MSRA: variants seen among roughly 807,000 people sequenced by gnomAD.
MSRA encodes mitochondrial peptide methionine sulfoxide reductase.
Under a neutral mutation model 31.3 loss-of-function variants are expected in MSRA, and 54 were observed. The observed-to-expected ratio is 1.73, with a 90% CI of 1.39 to 2.17. The LOEUF is 2.17. MSRA is among the 30% of genes most tolerant of loss of function. MSRA has a pLI of 0.00. For synonymous variants in MSRA, 169 were observed against 116.5 expected (o/e 1.45, Z -2.90); for missense variants, 507 against 300.9 (o/e 1.69, Z -5.07).
chr8:10,308,148 C>G (rs1036709315), intron 4 of MSRA, among the ~76,000 whole-genome samples: 2 of 152,188 alleles, frequency 1.3e-5, no homozygotes, highest in African/African-American at 2.4e-5. Flanking sequence ...GGCAAGAACT[C>G]TTGTTTAAAG....
intron 1 of MSRA, among the ~76,000 whole-genome samples, chr8:10,104,124 C>T (rs894240393): frequency 2.0e-5 from 3 of 152,056 alleles, no homozygotes; most frequent in Non-Finnish European, 2.9e-5. Context: ...TGTGGATGGG[C>T]GTTTAGGGAT....
At chr8:10,382,654 G>C (rs1232759718) in intron 5 of MSRA, among the ~76,000 whole-genome samples, 1 of 152,220 alleles carries the variant, frequency 6.6e-6, no homozygotes, top group Admixed American at 6.5e-5. Flanking sequence ...TACAGTTACT[G>C]AGGCAAACAC....
intron 1 of MSRA, among the ~76,000 whole-genome samples, chr8:10,089,139 CACA>C (rs386722133): frequency 1.7e-3 from 24 of 13,914 alleles, no homozygotes; most frequent in African/African-American, 3.4e-3. Flanking sequence ...GCTTTTGTCC[CACA>C]CACACACACA....
chr8:10,405,276 C>T (rs1372029338), intron 5 of MSRA, among the ~76,000 whole-genome samples: 1 of 152,088 alleles, frequency 6.6e-6, no homozygotes, highest in Non-Finnish European at 1.5e-5. Context: ...CAGAGTATTG[C>T]CAGGCCACCC....
chr8:10,427,152 C>T (rs959367102), intron 5 of MSRA, among the ~76,000 whole-genome samples: 5 of 152,156 alleles, frequency 3.3e-5, no homozygotes, highest in African/African-American at 7.2e-5. Context: ...TTGGTCCCCT[C>T]GTGAAAACAT....
intron 3 of MSRA, among the ~76,000 whole-genome samples, chr8:10,285,894 T>C (rs1563310249): frequency 6.6e-6 from 1 of 152,214 alleles, no homozygotes; most frequent in Admixed American, 6.5e-5. Flanking sequence ...TCTGCTTTTA[T>C]TTCTGTATGT....
chr8:10,302,669 T>G (rs1800910618), intron 4 of MSRA, among the ~76,000 whole-genome samples: 1 of 152,154 alleles, frequency 6.6e-6, no homozygotes, highest in African/African-American at 2.4e-5. Context: ...AGCAGCAAAG[T>G]GACAAACTCG....
chr8:10,257,971 A>G (rs928676942), intron 3 of MSRA, among the ~76,000 whole-genome samples: 8 of 152,228 alleles, frequency 5.3e-5, no homozygotes, highest in Non-Finnish European at 1.0e-4. Context: ...TGGCCTTTAC[A>G]TATGAGCTTG....
At chr8:10,259,654 C>T (rs992094524) in intron 3 of MSRA, among the ~76,000 whole-genome samples, 1 of 152,142 alleles carries the variant, frequency 6.6e-6, no homozygotes, top group African/African-American at 2.4e-5. Flanking sequence ...TGTTGATATT[C>T]CCCTCCAGGA....
Position 10,120,161 on chromosome 8 carries a change from G to A in MSRA, c.142+65503G>A, listed in dbSNP as rs375858205. ...TCAAGGGAGCCCATTGATACAGGTC[G>A]TGCAACAGGATAGAGAGTGGTCCCA... On this transcript the variant is annotated intron_variant, in intron 1 of 5. Coordinates refer to ENST00000317173, the MANE Select transcript of MSRA (RefSeq NM_012331.5). Among the ~76,000 whole-genome samples, 13 of 152,192 alleles carry A rather than the reference G, an allele frequency of 8.5e-5. No individual in the cohort carries two copies. In the East Asian group the frequency reaches 1.2e-3, roughly 14 times the overall value.
intron 1 of MSRA, among the ~76,000 whole-genome samples, chr8:10,191,129 T>A (rs1807469308): frequency 6.6e-6 from 1 of 152,248 alleles, no homozygotes; most frequent in Non-Finnish European, 1.5e-5. Flanking sequence ...ATAAATCACC[T>A]AGCTTAATAG....
At chr8:10,179,173 A>G (rs1348042901) in intron 1 of MSRA, among the ~76,000 whole-genome samples, 1 of 152,104 alleles carries the variant, frequency 6.6e-6, no homozygotes, top group Non-Finnish European at 1.5e-5. Context: ...TAATTGAATT[A>G]TTTTTGCCTC....
chr8:10,230,350 G>T (rs541226409), intron 2 of MSRA, among the ~76,000 whole-genome samples: 1 of 152,328 alleles, frequency 6.6e-6, no homozygotes, highest in East Asian at 1.9e-4. Flanking sequence ...TGGATGGGCA[G>T]GGTTTCCTCA....
chr8:10,134,691 G>C (rs1426460375), intron 1 of MSRA, among the ~76,000 whole-genome samples: 1 of 152,224 alleles, frequency 6.6e-6, no homozygotes, highest in Non-Finnish European at 1.5e-5. Context: ...ACAGGAAACA[G>C]TCCGACTGCT....
intron 2 of MSRA, among the ~76,000 whole-genome samples, chr8:10,214,748 T>A (rs189486700): frequency 6.6e-6 from 1 of 152,190 alleles, no homozygotes; most frequent in African/African-American, 2.4e-5. Context: ...CTTGGAGAGA[T>A]AAAAATAGGC....
At chr8:10,142,978 C>G (rs1024249022) in intron 1 of MSRA, among the ~76,000 whole-genome samples, 1 of 150,470 alleles carries the variant, frequency 6.6e-6, no homozygotes, top group Non-Finnish European at 1.5e-5. Flanking sequence ...CCACCCTGAT[C>G]CTTTATTTTG....
intron 1 of MSRA, among the ~76,000 whole-genome samples, chr8:10,198,791 CTTAT>C (rs1395640794): frequency 6.6e-6 from 1 of 152,124 alleles, no homozygotes; most frequent in South Asian, 2.1e-4. Flanking sequence ...GCCTGGCTAA[CTTAT>C]TTATTTATTT....
chr8:10,148,227 A>G (rs1240032111), intron 1 of MSRA, among the ~76,000 whole-genome samples: 1 of 152,176 alleles, frequency 6.6e-6, no homozygotes, highest in African/African-American at 2.4e-5. Context: ...AATGTGATCC[A>G]TTCAGAAGTA....
At chr8:10,388,271 G>A (rs142097538) in intron 5 of MSRA, among the ~76,000 whole-genome samples, 98 of 152,304 alleles carry the variant, frequency 6.4e-4, no homozygotes, top group African/African-American at 2.1e-3. Context: ...TGTAAGGTTC[G>A]TGTTGCAGAC....
Sources: gnomAD v4.1 joint callset for allele counts (sites outside exome capture counted in the v4.1 genomes callset) on GRCh38, gnomAD v4.1.1 for gene constraint, MANE v1.5 for transcripts, NCBI Gene and HGNC (gene_info 2026-07-23, HGNC 2026-07-21) for gene names.